Variants in SGO2 observed in about 807,000 individuals in gnomAD.
SGO2 encodes shugoshin 2, also known as shugoshin-like 2.
A neutral mutation model predicts 99.5 loss-of-function variants in SGO2; 68 were observed. The ratio of observed to expected loss-of-function variants is 0.68; its 90% CI spans 0.56 to 0.84. The LOEUF (loss-of-function observed/expected upper bound fraction) is 0.84, where lower values mean the gene tolerates loss of function less well. SGO2 is among the 40% of genes least tolerant of loss of function. The pLI is 0.00. For missense variants in SGO2, 1,350 were observed against 1,436.7 expected (o/e 0.94, Z 0.97); for synonymous variants, 457 against 487.1 (o/e 0.94, Z 0.81).
intron 5 of SGO2, among the ~76,000 whole-genome samples, chr2:200,547,583 A>G (rs2032284539): frequency 6.6e-6 from 1 of 152,220 alleles, no homozygotes; most frequent in African/African-American, 2.4e-5. Flanking sequence ...CTGTTAATAG[A>G]TAATATAAAA....
intron 5 of SGO2, among the ~76,000 whole-genome samples, chr2:200,552,673 A>G (rs2032543958): frequency 6.6e-6 from 1 of 152,166 alleles, no homozygotes; most frequent in South Asian, 2.1e-4. Context: ...GCATGCTAAT[A>G]AATTATAATT....
At chr2:200,536,207 A>C in intron 4 of SGO2, 65 bp downstream of exon 4, 1 of 985,428 alleles carries the variant, frequency 1.0e-6, no homozygotes, top group East Asian at 2.5e-5. Context: ...GAGATTACTT[A>C]AATAACATCA....
Position 200,583,552 on chromosome 2 carries a change from A to G in SGO2, c.*88A>G, listed in dbSNP as rs1022110747. The G allele has an allele frequency of 4.8e-6, 6 of 1,262,726 alleles. No homozygotes were observed. The Admixed American group carries it at 1.5e-4, about 31-fold the overall frequency. 78.2% of individuals were successfully genotyped at this position (1,262,726 alleles called of 1,614,324 possible). A position where few individuals can be genotyped will look rare whatever the true frequency, so the allele number is the denominator to read the frequency against. The stretch of plus-strand genomic sequence containing the variant: ...TAGTATCAAGAAGATGAAATGCTTA[A>G]TGAAAAGGTTTTTTTTTTGTTTCTT... On this transcript the variant is annotated 3_prime_UTR_variant, in exon 9 of 9. Coordinates refer to ENST00000357799, the MANE Select transcript of SGO2 (RefSeq NM_152524.6).
intron 5 of SGO2, among the ~76,000 whole-genome samples, chr2:200,568,610 TC>T (rs2033282043): frequency 6.6e-6 from 1 of 152,022 alleles, no homozygotes; most frequent in Non-Finnish European, 1.5e-5. Context: ...ATCTGACATT[TC>T]CCCCCATCAC....
Position 200,565,882 on chromosome 2 carries a change from C to T in SGO2, c.474-3781C>T, listed in dbSNP as rs577373068. Among the ~76,000 whole-genome samples the T allele has an allele frequency of 9.9e-4, 151 of 152,324 alleles. No individual in the cohort carries two copies. The South Asian group carries it at 0.011, about 11-fold the overall frequency. ...GCTACTGAAGCTTGTGCATGCATCA[C>T]ATAGTTCTCATGCCATGGTTTTCAG... On this transcript the variant is annotated intron_variant, in intron 5 of 8. Transcript: ENST00000357799.
chr2:200,528,798 G>A (rs566186211), intron 1 of SGO2, among the ~76,000 whole-genome samples: 28 of 152,180 alleles, frequency 1.8e-4, no homozygotes, highest in Non-Finnish European at 3.7e-4. Context: ...AGGTTAGGGA[G>A]ATGAAGAATA....
chr2:200,582,007 C>T (rs2033855249), intron 8 of SGO2, among the ~76,000 whole-genome samples: 1 of 152,152 alleles, frequency 6.6e-6, no homozygotes, highest in East Asian at 1.9e-4. Context: ...AATTTGGGAC[C>T]ATGTCTATGT....
Position 200,533,014 on chromosome 2 carries a change from C to G in SGO2, c.39C>G (p.Thr13=). 1 of 1,608,666 alleles carries G rather than the reference C, an allele frequency of 6.2e-7. No homozygotes were observed. Among genetic ancestry groups the G allele is most frequent in the Non-Finnish European group, 8.5e-7 (1 of 1,178,534 alleles). ...CPVMETGSLF[T]SGIKRHLKDK... Reference sequence around the variant, plus strand: ...TGATGGAAACTGGCTCACTTTTTACCTCAGGAATTAAGAGACATTTGAAAG... The same window carrying G: ...TGATGGAAACTGGCTCACTTTTTACGTCAGGAATTAAGAGACATTTGAAAG... Residue 13 remains threonine, a synonymous_variant, in exon 2 of 9, where the codon ACC becomes ACG. Transcript: ENST00000357799.
intron 5 of SGO2, among the ~76,000 whole-genome samples, chr2:200,567,689 A>G (rs913813389): frequency 2.6e-5 from 4 of 152,228 alleles, no homozygotes; most frequent in African/African-American, 9.7e-5. Flanking sequence ...GATATTTCAT[A>G]TGAATGGAAT....
chr2:200,560,720 A>C (rs1265714043), intron 5 of SGO2, among the ~76,000 whole-genome samples: 1 of 152,106 alleles, frequency 6.6e-6, no homozygotes, highest in Non-Finnish European at 1.5e-5. Flanking sequence ...ATTGGTCTTT[A>C]ATTTTCTTAC....
In SGO2 at chr2:200,570,048, T is replaced by C; in HGVS notation, c.703+156T>C. 1 of 574,654 alleles carries C rather than the reference T, an allele frequency of 1.7e-6. No homozygotes were observed. The highest frequency in any genetic ancestry group is 2.9e-5 in the East Asian group (1 of 34,144). 35.6% of individuals were successfully genotyped at this position (574,654 alleles called of 1,614,324 possible). ...CATTTAAAACTGCTGGTGATAGATT[T>C]AATTTTAAAGTAAATATGCTGACAA... On this transcript the variant is annotated intron_variant, in intron 6 of 8. Transcript: ENST00000357799. The surrounding 1 kb of genome is among the most constrained non-coding windows in gnomAD (Gnocchi z 4.4).
chr2:200,540,579 GTTA>G (rs1256252322), intron 4 of SGO2, among the ~76,000 whole-genome samples: 1 of 152,188 alleles, frequency 6.6e-6, no homozygotes, highest in Non-Finnish European at 1.5e-5. Context: ...GGGGGAGGTT[GTTA>G]CTACTGAAGA....
Position 200,583,491 on chromosome 2 carries a change from T to C in SGO2, c.*27T>C, listed in dbSNP as rs1056904338. On this transcript the variant is annotated 3_prime_UTR_variant, in exon 9 of 9. Transcript: ENST00000357799. Reference sequence around the variant, plus strand: ...GTGAATTTATGGATTCTGGTTTTTCTGAATTTTCAAAGCATAAGGAATCAA... The same window carrying C: ...GTGAATTTATGGATTCTGGTTTTTCCGAATTTTCAAAGCATAAGGAATCAA... 10 of 1,582,988 alleles carry C rather than the reference T, an allele frequency of 6.3e-6. No homozygotes were observed. The highest frequency in any genetic ancestry group is 8.6e-6 in the Non-Finnish European group (10 of 1,165,854).
At chr2:200,552,266 C>G (rs1338088316) in intron 5 of SGO2, among the ~76,000 whole-genome samples, 1 of 152,024 alleles carries the variant, frequency 6.6e-6, no homozygotes, top group East Asian at 1.9e-4. Context: ...GTTGTCCAGG[C>G]TAGATTCAAA....
intron 8 of SGO2, among the ~76,000 whole-genome samples, chr2:200,581,989 C>T (rs971939471): frequency 6.6e-6 from 1 of 152,076 alleles, no homozygotes; most frequent in Non-Finnish European, 1.5e-5. Flanking sequence ...ATCTTGTATA[C>T]CTTTTTAAAT....
rs137861483 is a variant in SGO2, at chr2:200,572,512, A to C, written c.2166A>C (p.Ile722=). ...LRQKVNRKTE[I]ISEVNHLDND... is the part of the protein sequence containing the mutation. ...AGAAAGTAAATCGGAAGACAGAAAT[A>C]ATTTCTGAAGTGAATCATTTAGATA... The change falls in exon 7 of 9, where the codon ATA becomes ATC. Residue 722 remains isoleucine, a synonymous_variant. Transcript: ENST00000357799. The C allele has an allele frequency of 6.2e-7, 1 of 1,612,604 alleles. No homozygotes were observed. The highest frequency in any genetic ancestry group is 1.1e-5 in the South Asian group (1 of 90,948).
Position 200,575,287 on chromosome 2 carries a change from G to C in SGO2, c.3632-24G>C, listed in dbSNP as rs139565777. 1,613 of 1,474,484 alleles carry C rather than the reference G, an allele frequency of 1.1e-3. 24 individuals are homozygous for C. The East Asian group carries it at 0.03, about 28-fold the overall frequency. The allele number at this position is 1,474,484 out of a possible 1,614,324, so 91.3% of individuals were successfully genotyped here. A position where few individuals can be genotyped will look rare whatever the true frequency, so the allele number is the denominator to read the frequency against. On this transcript the variant is annotated intron_variant, in intron 7 of 8. Transcript: ENST00000357799. ...TCTCTATATACTTTTTAAAATATTT[G>C]TGAAAAATAATATTCTTTTTCAGGT...
At chr2:200,538,296 C>G (rs1400005426) in intron 4 of SGO2, among the ~76,000 whole-genome samples, 2 of 152,172 alleles carry the variant, frequency 1.3e-5, no homozygotes, top group Non-Finnish European at 2.9e-5. Context: ...TCTCTTCCCA[C>G]TCCCTCAGAG....
At position 200,544,713 on chromosome 2, in the gene SGO2, A is replaced by ATCTG. The variant is rs1307742987; in HGVS notation, c.473+2052_473+2053insGTCT. Among the ~76,000 whole-genome samples the ATCTG allele has an allele frequency of 2.0e-5, 3 of 151,924 alleles. No homozygotes were observed. In the East Asian group the frequency reaches 5.8e-4, roughly 29 times the overall value. On this transcript the variant is annotated intron_variant, in intron 5 of 8. Coordinates refer to ENST00000357799, the MANE Select transcript of SGO2 (RefSeq NM_152524.6). ...GGGAGATCTATCTATCTATCTATCT[A>ATCTG]TCTATCTATCTATCTATCTATCTTT...
Sources: allele counts gnomAD v4.1 joint callset (sites outside exome capture counted in the v4.1 genomes callset), GRCh38; gene constraint gnomAD v4.1.1; non-coding constraint Gnocchi (gnomAD v3.1); transcripts MANE v1.5; gene names NCBI Gene and HGNC (gene_info 2026-07-23, HGNC 2026-07-21).